The following TXNL4B variants were observed in gnomAD, a reference collection of about 807,000 sequenced individuals.
The protein encoded by TXNL4B is thioredoxin like 4B, also known as thioredoxin-like protein 4B.
In TXNL4B, 12 loss-of-function variants were observed where a neutral mutation model predicts 13.0. The ratio of observed to expected loss-of-function variants is 0.92; its 90% CI spans 0.59 to 1.49. The LOEUF (loss-of-function observed/expected upper bound fraction) is 1.49. Among genes scored for constraint, TXNL4B ranks in the 40% most tolerant of loss-of-function variants. The probability of loss-of-function intolerance (pLI) is 0.00; values close to 1 mark genes in which losing one functional copy is unlikely to be tolerated. For synonymous variants in TXNL4B, 59 were observed against 58.9 expected (o/e 1.00, Z -0.01); for missense variants, 214 against 173.6 (o/e 1.23, Z -1.31).
chr16:72,084,915 C>T lies in TXNL4B; in HGVS notation c.*1722G>A. The T allele has an allele frequency of 2.5e-6, 1 of 398,604 alleles. No individual in the cohort carries two copies. The highest frequency in any genetic ancestry group is 4.4e-6 in the Non-Finnish European group (1 of 226,066). 24.7% of individuals were successfully genotyped at this position (398,604 alleles called of 1,614,324 possible). On this transcript the variant is annotated 3_prime_UTR_variant, in exon 4 of 4. Transcript: ENST00000268483. ...GTCTGAGGCAGGCAGGTCCAGAGTT[C>T]ATGCAGGAGCTCAATAACATCAGAG...
upstream of TXNL4B, chr16:72,094,125 C>A (rs921854408): frequency 6.5e-6 from 1 of 152,692 alleles, no homozygotes; most frequent in Admixed American, 6.5e-5. Flanking sequence ...TATTGGTCCC[C>A]TGCTCAGGTC....
chr16:72,090,666 G>A lies in TXNL4B; in HGVS notation c.84C>T (p.Leu28=). ...CAGGATCTTCATCTCTCCCAAACCT[G>A]AGAACCAACACCTTCTCAGCAGTAC... is the stretch of plus-strand genomic sequence containing the variant. ...IKSTAEKVLV[L]RFGRDEDPVC... is the part of the protein sequence containing the mutation. Residue 28 remains leucine (L), a synonymous_variant, in exon 2 of 4, where the codon CTC becomes CTT. Transcript: ENST00000268483. 9.3e-6 allele frequency: 15 copies of A among 1,614,152 alleles called. No individual in the cohort carries two copies. The highest frequency in any genetic ancestry group is 1.3e-5 in the Non-Finnish European group (15 of 1,180,038).
intron 1 of TXNL4B, among the ~76,000 whole-genome samples, 190 bp from the exon 2 acceptor site, chr16:72,090,976 G>A (rs1337837531): frequency 1.3e-5 from 2 of 152,070 alleles, no homozygotes; most frequent in South Asian, 2.1e-4. Context: ...TCCCTCCCCC[G>A]GGCCAGATAA....
In TXNL4B at chr16:72,093,589, C is replaced by A. The variant is rs1426593102; in HGVS notation, c.-260G>T. 1 of 152,320 alleles carries A rather than the reference C, an allele frequency of 6.6e-6. No individual in the cohort carries two copies. The highest frequency in any genetic ancestry group is 2.4e-5 in the African/African-American group (1 of 41,462). The allele number at this position is 152,320 out of a possible 1,614,324, so 9.4% of individuals were successfully genotyped here. Reference sequence around the variant, plus strand: ...GCGCAGAAAAGAAACTCCTGGCCGTCGGTCGGCCCCCGCTCAACAGCCCAA... The same window carrying A: ...GCGCAGAAAAGAAACTCCTGGCCGTAGGTCGGCCCCCGCTCAACAGCCCAA... On this transcript the variant is annotated 5_prime_UTR_variant, in exon 1 of 4. Transcript: ENST00000268483.
chr16:72,091,250 G>A (rs1253634282), intron 1 of TXNL4B, among the ~76,000 whole-genome samples: 1 of 150,904 alleles, frequency 6.6e-6, no homozygotes, highest in Non-Finnish European at 1.5e-5. Context: ...CCATCCCTAG[G>A]CCATGGGAGG....
In TXNL4B at chr16:72,091,536, T is replaced by C. The variant is rs2041904691; in HGVS notation, c.-37-750A>G. On this transcript the variant is annotated intron_variant, in intron 1 of 3. Coordinates refer to ENST00000268483, the MANE Select transcript of TXNL4B (RefSeq NM_017853.3). Reference sequence around the variant, plus strand: ...GCAGATGTTCAGCACACACACTTTATCTACTCTTCAGCACTTTTCATTATT... The same window carrying C: ...GCAGATGTTCAGCACACACACTTTACCTACTCTTCAGCACTTTTCATTATT... Among the ~76,000 whole-genome samples, 4 of 152,242 alleles carry C rather than the reference T, an allele frequency of 2.6e-5. No individual in the cohort carries two copies. The South Asian group carries it at 8.3e-4, about 31-fold the overall frequency.
chr16:72,092,359 G>C (rs1189834462), intron 1 of TXNL4B, among the ~76,000 whole-genome samples: 2 of 151,746 alleles, frequency 1.3e-5, no homozygotes, highest in African/African-American at 4.9e-5. Context: ...GTTGCAGTGA[G>C]CTAGGATCGC....
chr16:72,086,868 A>G (rs2041831128), intron 3 of TXNL4B, 66 bp from the exon 4 acceptor site: 1 of 1,278,464 alleles, frequency 7.8e-7, no homozygotes, highest in African/African-American at 1.5e-5. Context: ...GAAGACTTTC[A>G]GGATAAACAA....
chr16:72,091,062 A>G (rs2041897130), intron 1 of TXNL4B, among the ~76,000 whole-genome samples: 1 of 152,032 alleles, frequency 6.6e-6, no homozygotes, highest in Admixed American at 6.5e-5. Flanking sequence ...ATGCGTTCCG[A>G]TATTTTTTTT....
rs886366530 is a variant in TXNL4B at position 72,093,598 on chromosome 16, C to A, written c.-269G>T. On this transcript the variant is annotated 5_prime_UTR_variant, in exon 1 of 4. Transcript: ENST00000268483. ...AGAAACTCCTGGCCGTCGGTCGGCC[C>A]CCGCTCAACAGCCCAATAAACGGAA... 4 of 152,300 alleles carry A rather than the reference C, an allele frequency of 2.6e-5. No individual in the cohort carries two copies. Among genetic ancestry groups the A allele is most frequent in the Admixed American group, 2.6e-4 (4 of 15,292 alleles). 9.4% of individuals were successfully genotyped at this position (152,300 alleles called of 1,614,324 possible). A position where few individuals can be genotyped will look rare whatever the true frequency, so the allele number is the denominator to read the frequency against.
At position 72,086,747 on chromosome 16, in the gene TXNL4B, C is replaced by A. The variant is rs1221003246; in HGVS notation, c.340G>T (p.Asp114Tyr). 6.2e-7 allele frequency: 1 copy of A among 1,613,382 alleles called. No homozygotes were observed. Among genetic ancestry groups the A allele is most frequent in the African/African-American group, 1.3e-5 (1 of 74,916 alleles). ...GSFKTKQDFI[D>Y]LIEVIYRGAM... is the part of the protein sequence containing the mutation. ...CCTCGATAGATTACTTCAATCAAAT[C>A]TATGAAGTCTTGTTTGGTTTTGAAG... The change falls in exon 4 of 4, where the codon GAT (aspartate) becomes TAT (tyrosine). Residue 114 changes from aspartate to tyrosine, a missense_variant. By Grantham distance (160) the Asp-to-Tyr change is radical. Transcript: ENST00000268483.
intron 1 of TXNL4B, among the ~76,000 whole-genome samples, chr16:72,093,101 G>C (rs909220651): frequency 6.6e-6 from 1 of 152,052 alleles, no homozygotes; most frequent in Non-Finnish European, 1.5e-5. Flanking sequence ...CTCCCGAGTA[G>C]CTGGAACCTC....
At chr16:72,092,185 G>A (rs1045391353) in intron 1 of TXNL4B, among the ~76,000 whole-genome samples, 1 of 152,212 alleles carries the variant, frequency 6.6e-6, no homozygotes, top group Non-Finnish European at 1.5e-5. Context: ...AAGGAGGGTG[G>A]ATCACCTATG....
chr16:72,093,030 T>C (rs1039262035), intron 1 of TXNL4B, among the ~76,000 whole-genome samples: 4 of 152,100 alleles, frequency 2.6e-5, no homozygotes, highest in Non-Finnish European at 5.9e-5. Flanking sequence ...GAGGCGGGGT[T>C]TCGCTATGTT....
intron 2 of TXNL4B, 74 bp downstream of exon 2, chr16:72,090,544 A>G (rs555232848): frequency 2.0e-6 from 3 of 1,503,396 alleles, no homozygotes; most frequent in Non-Finnish European, 2.7e-6. Flanking sequence ...ACTCCCTCTC[A>G]TGTACTACTC....
chr16:72,089,220 G>A (rs1034665876), intron 2 of TXNL4B, 82 bp from the exon 3 acceptor site: 6 of 1,313,312 alleles, frequency 4.6e-6, no homozygotes, highest in East Asian at 2.4e-5. Flanking sequence ...CTACAACAGA[G>A]TGTTTTGTTT....
chr16:72,093,924 A>T (rs1418201741), upstream of TXNL4B: 1 of 152,374 alleles, frequency 6.6e-6, no homozygotes, highest in South Asian at 2.1e-4. Flanking sequence ...CGCGCAAAGT[A>T]TTAAGGGACA....
rs564555144 is a variant in TXNL4B, at chr16:72,085,273, C to A, written c.*1364G>T. ...GGGGGCTGGACTTGCAGTGACAGTG[C>A]TGCTCTGAACAGGACTAGGCTTCTG... On this transcript the variant is annotated 3_prime_UTR_variant, in exon 4 of 4. Coordinates refer to ENST00000268483, the MANE Select transcript of TXNL4B (RefSeq NM_017853.3). The A allele has an allele frequency of 1.1e-4, 38 of 343,920 alleles. No individual in the cohort carries two copies. Among genetic ancestry groups the A allele is most frequent in the African/African-American group, 6.9e-4 (33 of 47,646 alleles). The allele number at this position is 343,920 out of a possible 1,614,324, so 21.3% of individuals were successfully genotyped here. A position where few individuals can be genotyped will look rare whatever the true frequency, so the allele number is the denominator to read the frequency against.
At position 72,086,087 on chromosome 16, in the gene TXNL4B, T is replaced by A. The variant is rs1257130845; in HGVS notation, c.*550A>T. 6.6e-6 allele frequency: 1 copy of A among 151,890 alleles called. No homozygotes were observed. The highest frequency in any genetic ancestry group is 2.4e-5 in the African/African-American group (1 of 41,332). The allele number at this position is 151,890 out of a possible 1,614,324, so 9.4% of individuals were successfully genotyped here. A position where few individuals can be genotyped will look rare whatever the true frequency, so the allele number is the denominator to read the frequency against. ...AAGGCTCCAAAATAAAACAAACTTG[T>A]CTGCTCAATTAATTATTTGAAGAGA... On this transcript the variant is annotated 3_prime_UTR_variant, in exon 4 of 4. Coordinates refer to ENST00000268483, the MANE Select transcript of TXNL4B (RefSeq NM_017853.3).
Sources: gnomAD v4.1 joint callset for allele counts (sites outside exome capture counted in the v4.1 genomes callset) on GRCh38, gnomAD v4.1.1 for gene constraint, MANE v1.5 for transcripts, NCBI Gene and HGNC (gene_info 2026-07-23, HGNC 2026-07-21) for gene names.